Variants in DNAH5 observed in about 807,000 individuals in gnomAD.
The protein encoded by DNAH5 is axonemal beta dynein heavy chain 5.
Under a neutral mutation model 518.2 loss-of-function variants are expected in DNAH5, and 372 were observed. That is an observed-to-expected ratio of 0.72 (90% confidence interval 0.66 to 0.78). The LOEUF is 0.78. DNAH5 is among the 30% of genes least tolerant of loss of function. The probability of loss-of-function intolerance (pLI) is 0.00; values close to 1 mark genes in which losing one functional copy is unlikely to be tolerated. For synonymous variants in DNAH5, 2,039 were observed against 2,025.9 expected, an observed-to-expected ratio of 1.01 and a Z score of -0.17; for missense variants, 5,523 against 5,687.0, an observed-to-expected ratio of 0.97 and a Z score of 0.93.
intron 25 of DNAH5, among the ~76,000 whole-genome samples, chr5:13,867,461 C>A (rs1224974737): frequency 6.6e-6 from 1 of 152,054 alleles, no homozygotes; most frequent in Non-Finnish European, 1.5e-5. Context: ...TTCCCCTTTG[C>A]CTTCCACCAT....
chr5:13,707,992 G>A lies in DNAH5; in HGVS notation c.13338+131C>T. 2 of 1,071,942 alleles carry A rather than the reference G, an allele frequency of 1.9e-6. No individual in the cohort carries two copies. The highest frequency in any genetic ancestry group is 2.9e-6 in the Non-Finnish European group (2 of 701,100). 66.4% of individuals were successfully genotyped at this position (1,071,942 alleles called of 1,614,324 possible). A position where few individuals can be genotyped will look rare whatever the true frequency, so the allele number is the denominator to read the frequency against. On this transcript the variant is annotated intron_variant, in intron 76 of 78. Transcript: ENST00000265104. The surrounding 1 kb of genome is among the most constrained non-coding windows in gnomAD (Gnocchi z 4.0). ...CCTACCTATGGTCTAAAAATACAGG[G>A]CTACAGGGGGCTTCGTCCCTGTGCA...
At chr5:13,764,423 G>A (rs1752226675) in intron 59 of DNAH5, among the ~76,000 whole-genome samples, 1 of 152,080 alleles carries the variant, frequency 6.6e-6, no homozygotes, top group Non-Finnish European at 1.5e-5. Flanking sequence ...AAAATTAACT[G>A]GACAAGCAAC....
At chr5:13,793,463 C>T (rs1485019299) in intron 49 of DNAH5, 52 bp downstream of exon 49, 1 of 1,506,332 alleles carries the variant, frequency 6.6e-7, no homozygotes, top group Non-Finnish European at 9.2e-7. Context: ...AAAAAGGAAC[C>T]CAAGCAGGTG....
At chr5:13,829,263 T>C (rs1157695986) in intron 38 of DNAH5, among the ~76,000 whole-genome samples, 5 of 152,194 alleles carry the variant, frequency 3.3e-5, no homozygotes, top group African/African-American at 1.2e-4. Context: ...TATCCATAAG[T>C]CTTTGGCTCT....
At chr5:13,859,127 C>G (rs1002782822) in intron 30 of DNAH5, among the ~76,000 whole-genome samples, 5 of 152,042 alleles carry the variant, frequency 3.3e-5, no homozygotes, top group African/African-American at 9.7e-5. Flanking sequence ...GATAACTGCA[C>G]CATAATTCTA....
chr5:13,993,487 C>T (rs996707469), intron 1 of DNAH5, among the ~76,000 whole-genome samples: 1 of 152,154 alleles, frequency 6.6e-6, no homozygotes, highest in Non-Finnish European at 1.5e-5. Context: ...CCCCACTGTA[C>T]TATTACAAAT....
chr5:13,837,344 C>G (rs967909486), intron 35 of DNAH5, among the ~76,000 whole-genome samples: 6 of 152,080 alleles, frequency 3.9e-5, no homozygotes. Context: ...AGGACAATCA[C>G]GGTAGGGTTC....
intron 50 of DNAH5, 126 bp from the exon 51 acceptor site, chr5:13,789,040 T>C: frequency 1.3e-6 from 1 of 786,178 alleles, no homozygotes; most frequent in Non-Finnish European, 2.1e-6. Flanking sequence ...AAGTTAGGGT[T>C]CAAATATGCT....
chr5:13,849,303 A>G (rs795535), intron 31 of DNAH5, among the ~76,000 whole-genome samples: 9,958 of 152,306 alleles, frequency 0.065, 352 homozygotes, highest in African/African-American at 0.092. Flanking sequence ...ATATGAAAGT[A>G]ATATTCATGG....
intron 1 of DNAH5, among the ~76,000 whole-genome samples, chr5:13,986,392 G>A (rs1439060070): frequency 1.3e-5 from 2 of 152,130 alleles, no homozygotes; most frequent in Non-Finnish European, 2.9e-5. Flanking sequence ...ACCCTACAGG[G>A]TTGACTGGAT....
chr5:13,739,947 C>A (rs1222772663), intron 65 of DNAH5, among the ~76,000 whole-genome samples: 1 of 152,156 alleles, frequency 6.6e-6, no homozygotes, highest in Non-Finnish European at 1.5e-5. Context: ...TTTCAACTCT[C>A]CACTTGGACA....
At chr5:13,853,602 T>C (rs1767195554) in intron 30 of DNAH5, among the ~76,000 whole-genome samples, 1 of 151,962 alleles carries the variant, frequency 6.6e-6, no homozygotes, top group African/African-American at 2.4e-5. Flanking sequence ...TCTAACCCAA[T>C]ATAAGGAAGC....
intron 72 of DNAH5, 30 bp from the exon 73 acceptor site, chr5:13,717,550 T>A (rs1203808379): frequency 6.4e-7 from 1 of 1,553,844 alleles, no homozygotes; most frequent in African/African-American, 1.4e-5. Context: ...GAAAAATGTA[T>A]CATCTCTCAA....
chr5:13,762,677 G>T, intron 60 of DNAH5, 45 bp downstream of exon 60: 1 of 1,577,398 alleles, frequency 6.3e-7, no homozygotes, highest in South Asian at 1.1e-5. Flanking sequence ...TCGACCTGGA[G>T]ACTCCGCCCA....
Position 13,880,206 on chromosome 5 carries a change from C to T in DNAH5, c.3262+2522G>A, listed in dbSNP as rs200156040. ...AGAATACTATATCAAGCAATTCTAGCTTTCAAAAACAAAGGGATGGTATAA... is the reference window on the plus strand; with the variant it reads ...AGAATACTATATCAAGCAATTCTAGTTTTCAAAAACAAAGGGATGGTATAA... On this transcript the variant is annotated intron_variant, in intron 21 of 78. Transcript: ENST00000265104. Among the ~76,000 whole-genome samples the T allele has an allele frequency of 2.6e-5, 4 of 152,174 alleles. No homozygotes were observed. In the East Asian group the frequency reaches 7.7e-4, roughly 29 times the overall value.
chr5:13,745,811 A>C (rs1425144708), intron 65 of DNAH5, among the ~76,000 whole-genome samples: 2 of 152,154 alleles, frequency 1.3e-5, no homozygotes, highest in East Asian at 3.9e-4. Flanking sequence ...AATCTTCCTA[A>C]CGTCAACAGC....
At chr5:13,767,059 C>G (rs767223387) in intron 58 of DNAH5, among the ~76,000 whole-genome samples, 1 of 152,036 alleles carries the variant, frequency 6.6e-6, no homozygotes, top group Non-Finnish European at 1.5e-5. Flanking sequence ...AGAAAAAACA[C>G]TAAACTTGGT....
intron 55 of DNAH5, among the ~76,000 whole-genome samples, chr5:13,776,109 G>C (rs374914355): frequency 6.6e-6 from 1 of 152,168 alleles, no homozygotes; most frequent in African/African-American, 2.4e-5. Flanking sequence ...AAGCAGCAAA[G>C]GGTCCAGTCA....
chr5:13,913,840 A>T lies in DNAH5; in HGVS notation c.1439T>A (p.Leu480His). Residue 480 changes from leucine (L) to histidine (H), a missense_variant, in exon 11 of 79, where the codon CTT (leucine) becomes CAT (histidine). By Grantham distance (99) the Leu-to-His change is moderately conservative. Around this residue, in one of 3 missense-constraint regions of DNAH5, gnomAD observed 5,121 missense variants for 5,223.3 expected, o/e 0.98. Coordinates refer to ENST00000265104, the MANE Select transcript of DNAH5 (RefSeq NM_001369.3). ...FGKFETFHRR[L>H]AKIIDIFTTL... ...TGTAAAGATGTCTATTATCTTGGCAAGGCGTCGGTGAAAAGTTTCGAATTT... is the reference window on the plus strand; with the variant it reads ...TGTAAAGATGTCTATTATCTTGGCATGGCGTCGGTGAAAAGTTTCGAATTT... 1 of 1,613,696 alleles carries T rather than the reference A, an allele frequency of 6.2e-7. No individual in the cohort carries two copies.
Sources: allele counts gnomAD v4.1 joint callset (sites outside exome capture counted in the v4.1 genomes callset), GRCh38; gene constraint gnomAD v4.1.1; regional missense constraint gnomAD v4.1.1; non-coding constraint Gnocchi (gnomAD v3.1); transcripts MANE v1.5; gene names NCBI Gene and HGNC (gene_info 2026-07-23, HGNC 2026-07-21).